Variants in SERPINE2 observed in about 807,000 individuals in gnomAD.
The protein encoded by SERPINE2 is glia-derived nexin.
Under a neutral mutation model 36.3 loss-of-function variants are expected in SERPINE2, and 14 were observed. That is an observed-to-expected ratio of 0.39 (90% CI 0.25 to 0.60). SERPINE2 has a LOEUF of 0.60. Ranked by LOEUF, SERPINE2 falls within the 20% of genes least tolerant of loss-of-function variation. The probability of loss-of-function intolerance (pLI) is 0.57; values close to 1 mark genes in which losing one functional copy is unlikely to be tolerated. For missense variants in SERPINE2, 418 were observed against 499.6 expected (o/e 0.84, Z 1.56); for synonymous variants, 192 against 191.8 (o/e 1.00, Z -0.01).
chr2:223,987,664 G>A (rs1261924262), intron 4 of SERPINE2, among the ~76,000 whole-genome samples: 2 of 152,220 alleles, frequency 1.3e-5, no homozygotes, highest in Non-Finnish European at 2.9e-5. Context: ...TCTAATGGGA[G>A]ACAATAAGTG....
chr2:224,037,679 TCAAA>T (rs1433565396), intron 1 of SERPINE2, among the ~76,000 whole-genome samples: 1 of 152,192 alleles, frequency 6.6e-6, no homozygotes, highest in Non-Finnish European at 1.5e-5. Context: ...CTCTACCACC[TCAAA>T]CAATCTCTGA....
intron 1 of SERPINE2, among the ~76,000 whole-genome samples, chr2:224,035,294 C>CTCCAGTGTAT (rs1692495342): frequency 6.6e-6 from 1 of 152,326 alleles, no homozygotes. Flanking sequence ...AGCAACCTAC[C>CTCCAGTGTAT]TCCAGTGTAT....
At chr2:223,984,675 A>C in intron 5 of SERPINE2, 77 bp downstream of exon 5, 7 of 1,404,702 alleles carry the variant, frequency 5.0e-6, no homozygotes, top group Admixed American at 2.0e-5. Context: ...TTTTCGCCTC[A>C]TGTTGTCTGG....
At position 224,031,991 on chromosome 2, in the gene SERPINE2, G is replaced by C. The variant is rs549426942; in HGVS notation, c.-23+7108C>G. On this transcript the variant is annotated intron_variant, in intron 1 of 8. Transcript: ENST00000409304. ...GAGTCACCTCTCCCATGCTTGAGTG[G>C]GCAGTGTCAGCCAACAGCTCTCCGC... is the stretch of plus-strand genomic sequence containing the variant. Among the ~76,000 whole-genome samples, 5 of 152,274 alleles carry C rather than the reference G, an allele frequency of 3.3e-5. No individual in the cohort carries two copies. In the East Asian group the frequency reaches 9.7e-4, roughly 29 times the overall value.
intron 7 of SERPINE2, 124 bp from the exon 8 acceptor site, chr2:223,977,751 T>A: frequency 2.9e-6 from 2 of 681,074 alleles, no homozygotes; most frequent in Admixed American, 4.2e-5. Flanking sequence ...TTCATGCTTG[T>A]TCCATAGGCT....
chr2:224,032,213 C>T (rs1476853847), intron 1 of SERPINE2, among the ~76,000 whole-genome samples: 1 of 152,306 alleles, frequency 6.6e-6, no homozygotes, highest in Non-Finnish European at 1.5e-5. Context: ...ATAGCACTTT[C>T]CCCAAAGGAA....
chr2:223,998,373 C>T (rs10170379), intron 2 of SERPINE2, 31 bp from the exon 3 acceptor site: 318,326 of 1,526,678 alleles, frequency 0.21, 36,920 homozygotes, highest in African/African-American at 0.46. Flanking sequence ...TACAGCAATA[C>T]TTCCATAAGA....
Position 223,984,956 on chromosome 2 carries a change from G to A in SERPINE2, c.686-6C>T, listed in dbSNP as rs1167031652. ...ATTGGGGGCACTTGTCGACCCTAAA[G>A]AAATCAGAAGCAGGTTCAGTGTATC... On this transcript the variant is annotated splice_region_variant and splice_polypyrimidine_tract_variant and intron_variant, in intron 4 of 8. Coordinates refer to ENST00000409304, the MANE Select transcript of SERPINE2 (RefSeq NM_001136528.2). 3 of 1,613,998 alleles carry A rather than the reference G, an allele frequency of 1.9e-6. No individual in the cohort carries two copies. Among genetic ancestry groups the A allele is most frequent in the Non-Finnish European group, 2.5e-6 (3 of 1,179,860 alleles).
At chr2:224,009,818 C>G (rs990710329) in intron 1 of SERPINE2, among the ~76,000 whole-genome samples, 1 of 152,190 alleles carries the variant, frequency 6.6e-6, no homozygotes, top group African/African-American at 2.4e-5. Context: ...CTCATCAGTA[C>G]TTTGCCAACA....
At chr2:224,024,750 T>C (rs891828249) in intron 1 of SERPINE2, among the ~76,000 whole-genome samples, 1 of 152,256 alleles carries the variant, frequency 6.6e-6, no homozygotes, top group Admixed American at 6.5e-5. Flanking sequence ...AAGACCCGCC[T>C]GCTGCCCTGC....
chr2:223,999,628 T>C lies in SERPINE2; in HGVS notation c.260-1286A>G, dbSNP rs146128560. On this transcript the variant is annotated intron_variant, in intron 2 of 8. Transcript: ENST00000409304. ...TCTACAAGTAAGAAAACGGCCGGCT[T>C]TGGAGGCTGAAAGACAATTCCAAGG... 3.4e-3 allele frequency among the ~76,000 whole-genome samples: 519 copies of C among 152,312 alleles called. 2 individuals are homozygous for C. Among genetic ancestry groups the C allele is most frequent in the African/African-American group, 0.012 (493 of 41,556 alleles).
chr2:224,017,553 C>T (rs559088231), intron 1 of SERPINE2, among the ~76,000 whole-genome samples: 1 of 152,236 alleles, frequency 6.6e-6, no homozygotes, highest in South Asian at 2.1e-4. Flanking sequence ...AAGAAATTAA[C>T]AAAAGGATTT....
At chr2:223,995,738 G>A (rs1690859998) in intron 3 of SERPINE2, among the ~76,000 whole-genome samples, 1 of 152,148 alleles carries the variant, frequency 6.6e-6, no homozygotes, top group Non-Finnish European at 1.5e-5. Flanking sequence ...CAAAAGTCTT[G>A]CACCGTTTCA....
rs890957682 is a variant in SERPINE2, at chr2:223,985,049, T to C, written c.686-99A>G. ...GGGATAGCTTCAGAGAGCAACTCAG[T>C]TGGAGAACTTCCCTTTTCCACAAAT... On this transcript the variant is annotated intron_variant, in intron 4 of 8. Coordinates refer to ENST00000409304, the MANE Select transcript of SERPINE2 (RefSeq NM_001136528.2). 46 of 948,592 alleles carry C rather than the reference T, an allele frequency of 4.8e-5. No individual in the cohort carries two copies. In the East Asian group the frequency reaches 1.0e-3, roughly 21 times the overall value. The allele number at this position is 948,592 out of a possible 1,614,324, so 58.8% of individuals were successfully genotyped here.
At chr2:223,984,034 C>T (rs1417885814) in intron 5 of SERPINE2, among the ~76,000 whole-genome samples, 4 of 151,454 alleles carry the variant, frequency 2.6e-5, no homozygotes, top group African/African-American at 7.3e-5. Flanking sequence ...TTACTTAACT[C>T]GGTGACCAAA....
intron 4 of SERPINE2, 88 bp from the exon 5 acceptor site, chr2:223,985,038 G>A (rs1404588703): frequency 2.7e-6 from 3 of 1,129,070 alleles, no homozygotes; most frequent in Non-Finnish European, 1.3e-6. Context: ...TAGCTTCAGA[G>A]AGCAACTCAG....
intron 7 of SERPINE2, chr2:223,977,974 T>C: frequency 5.0e-6 from 1 of 199,064 alleles, no homozygotes; most frequent in Non-Finnish European, 1.0e-5. Context: ...ACACATCTAA[T>C]GCATATTTAT....
chr2:223,977,686 G>T, intron 7 of SERPINE2, 59 bp from the exon 8 acceptor site: 2 of 1,167,790 alleles, frequency 1.7e-6, no homozygotes, highest in Non-Finnish European at 1.3e-6. Flanking sequence ...TAAGCATAAG[G>T]CCAGCAAGTT....
In SERPINE2 at chr2:223,984,880, G is replaced by T. The variant is rs946295262; in HGVS notation, c.756C>A (p.Ser252Arg). ...IELPYHGESI[S>R]MLIALPTESS... ...TCTCAGTCGGCAGTGCAATCAGCATGCTGATGCTTTCCCCGTGGTAGGGCA... is the reference window on the plus strand; with the variant it reads ...TCTCAGTCGGCAGTGCAATCAGCATTCTGATGCTTTCCCCGTGGTAGGGCA... Residue 252 changes from serine to arginine, a missense_variant, in exon 5 of 9, where the codon AGC becomes AGA. Physicochemically the swap from Ser to Arg is moderately radical, Grantham distance 110 (BLOSUM62 -1). Transcript: ENST00000409304. 6.2e-7 allele frequency: 1 copy of T among 1,614,210 alleles called. No homozygotes were observed.
Sources: allele counts gnomAD v4.1 joint callset (sites outside exome capture counted in the v4.1 genomes callset), GRCh38; gene constraint gnomAD v4.1.1; transcripts MANE v1.5; gene names NCBI Gene and HGNC (gene_info 2026-07-23, HGNC 2026-07-21).